EYA1: variants seen among roughly 807,000 people sequenced by gnomAD.
EYA1 encodes EYA transcriptional coactivator and phosphatase 1, also known as protein phosphatase EYA1.
A neutral mutation model predicts 82.0 loss-of-function variants in EYA1; 16 were observed. The observed-to-expected ratio is 0.20, with a 90% confidence interval of 0.13 to 0.30. The LOEUF (loss-of-function observed/expected upper bound fraction) is 0.30, where lower values mean the gene tolerates loss of function less well. EYA1 is among the 10% of genes least tolerant of loss of function. The pLI, the probability that EYA1 is intolerant of heterozygous loss-of-function variation, is 1.00. For missense variants in EYA1, 633 were observed against 730.7 expected, an observed-to-expected ratio of 0.87 and a Z score of 1.54; for synonymous variants, 261 against 264.4, an observed-to-expected ratio of 0.99 and a Z score of 0.12.
chr8:71,282,182 C>T (rs1817881355), intron 9 of EYA1, among the ~76,000 whole-genome samples: 1 of 152,200 alleles, frequency 6.6e-6, no homozygotes, highest in African/African-American at 2.4e-5. Context: ...CTAAGGCCAA[C>T]CCCTCCTTTT....
At chr8:71,280,752 CTTT>C (rs900292652) in intron 9 of EYA1, among the ~76,000 whole-genome samples, 1 of 151,056 alleles carries the variant, frequency 6.6e-6, no homozygotes, top group Non-Finnish European at 1.5e-5. Flanking sequence ...CTTTGTTTTG[CTTT>C]TTTTTTCTTT....
At chr8:71,256,538 G>A (rs1052527384) in intron 11 of EYA1, among the ~76,000 whole-genome samples, 1 of 152,110 alleles carries the variant, frequency 6.6e-6, no homozygotes, top group African/African-American at 2.4e-5. Context: ...CCAGGAATTG[G>A]GGGGAGGGGA....
chr8:71,395,401 C>A (rs533306939), intron 2 of EYA1, among the ~76,000 whole-genome samples: 33 of 152,188 alleles, frequency 2.2e-4, no homozygotes, highest in African/African-American at 7.7e-4. Context: ...CAGTTTTTGC[C>A]CATTCAGTAT....
chr8:71,493,117 G>GT (rs1189696121), intron 2 of EYA1, among the ~76,000 whole-genome samples: 1 of 152,142 alleles, frequency 6.6e-6, no homozygotes, highest in Non-Finnish European at 1.5e-5. Context: ...TGGCTGTATA[G>GT]TATTCCATGG....
intron 12 of EYA1, among the ~76,000 whole-genome samples, chr8:71,240,152 G>A (rs1176538999): frequency 6.6e-6 from 1 of 152,008 alleles, no homozygotes; most frequent in East Asian, 1.9e-4. Context: ...AAAAATCATT[G>A]CAGCTTTCTC....
At chr8:71,278,587 GT>G (rs1175584853) in intron 9 of EYA1, among the ~76,000 whole-genome samples, 1 of 152,160 alleles carries the variant, frequency 6.6e-6, no homozygotes, top group Non-Finnish European at 1.5e-5. Context: ...TCCTTTGCCA[GT>G]TTTTAAATAT....
At chr8:71,362,320 CG>C, upstream of EYA1, 1 of 533,488 alleles carries the variant, frequency 1.9e-6, no homozygotes, top group South Asian at 8.2e-5. Context: ...ACGCGCCCCA[CG>C]CTATCTGAAT....
intron 11 of EYA1, among the ~76,000 whole-genome samples, chr8:71,269,102 C>T (rs1246428081): frequency 1.3e-5 from 2 of 152,050 alleles, no homozygotes; most frequent in African/African-American, 4.8e-5. Context: ...AAAGAAATTC[C>T]AAACTTTTGG....
intron 11 of EYA1, among the ~76,000 whole-genome samples, chr8:71,256,100 A>T (rs931542232): frequency 6.6e-6 from 1 of 152,200 alleles, no homozygotes; most frequent in Admixed American, 6.5e-5. Context: ...ATCCCTGTGC[A>T]CAGCTGGTGG....
chr8:71,529,045 A>G (rs147304052), intron 2 of EYA1, among the ~76,000 whole-genome samples: 103 of 152,310 alleles, frequency 6.8e-4, no homozygotes, highest in African/African-American at 2.3e-3. Context: ...GGACCCAGCA[A>G]TATAGGTCTG....
intron 2 of EYA1, among the ~76,000 whole-genome samples, chr8:71,464,156 A>G (rs1808613827): frequency 6.6e-6 from 1 of 152,074 alleles, no homozygotes; most frequent in Non-Finnish European, 1.5e-5. Flanking sequence ...CTCCCCGAGG[A>G]CTGCATGCTT....
rs532468402 is a variant in EYA1, at chr8:71,512,982, G to A, written c.33+22762C>T. ...ACCATACACAAGGTGGAAAGATTAAGTTGATCTCATCATTCTCCGCAGTAG... is the reference window on the plus strand; with the variant it reads ...ACCATACACAAGGTGGAAAGATTAAATTGATCTCATCATTCTCCGCAGTAG... On this transcript the variant is annotated intron_variant, in intron 2 of 18. Coordinates refer to the EYA1 transcript ENST00000643681. 6.6e-5 allele frequency among the ~76,000 whole-genome samples: 10 copies of A among 152,264 alleles called. No homozygotes were observed. In the South Asian group the frequency reaches 2.1e-3, roughly 32 times the overall value.
chr8:71,233,563 CAAAAA>C (rs767423332), intron 12 of EYA1, among the ~76,000 whole-genome samples: 1 of 64,674 alleles, frequency 1.5e-5, no homozygotes, highest in Non-Finnish European at 3.3e-5. Context: ...GACTCCGTCT[CAAAAA>C]AAAAAAAAAA....
rs542955878 is a variant in EYA1, at chr8:71,481,541, G to A, written c.33+54203C>T. Among the ~76,000 whole-genome samples, 51 of 152,224 alleles carry A rather than the reference G, an allele frequency of 3.4e-4. 1 individual carries two copies. The South Asian group carries it at 0.01, about 31-fold the overall frequency. ...TTTCTGAGTGCCTACTGCACGCCGG[G>A]ACTATGCAAGATGCTGAATATGGGT... is the stretch of plus-strand genomic sequence containing the variant. On this transcript the variant is annotated intron_variant, in intron 2 of 18. Coordinates refer to the EYA1 transcript ENST00000643681.
At chr8:71,394,571 T>C (rs1192564259) in intron 2 of EYA1, among the ~76,000 whole-genome samples, 2 of 152,172 alleles carry the variant, frequency 1.3e-5, no homozygotes, top group Non-Finnish European at 2.9e-5. Context: ...TTTCTTGTTT[T>C]TGTCAGGGTT....
intron 7 of EYA1, among the ~76,000 whole-genome samples, chr8:71,309,793 C>T (rs575956981): frequency 1.6e-3 from 246 of 152,210 alleles, no homozygotes; most frequent in African/African-American, 5.5e-3. Context: ...GTGTGATGGC[C>T]GCAGAGCTGT....
At chr8:71,274,123 GAA>G (rs1035207453) in intron 9 of EYA1, among the ~76,000 whole-genome samples, 1 of 152,108 alleles carries the variant, frequency 6.6e-6, no homozygotes, top group African/African-American at 2.4e-5. Flanking sequence ...AGTAGAAAGT[GAA>G]AGTTTTAAAT....
intron 2 of EYA1, among the ~76,000 whole-genome samples, chr8:71,470,551 T>A (rs969769502): frequency 2.6e-5 from 4 of 152,108 alleles, no homozygotes; most frequent in Non-Finnish European, 4.4e-5. Context: ...TGCACCAACC[T>A]AATAGAAGGT....
At chr8:71,369,058 C>G (rs915791343) in intron 2 of EYA1, among the ~76,000 whole-genome samples, 1 of 141,870 alleles carries the variant, frequency 7.0e-6, no homozygotes, top group Non-Finnish European at 1.5e-5. Context: ...AAAAAAATAG[C>G]TGGACGTGGT....
Sources: gnomAD v4.1 joint callset for allele counts (sites outside exome capture counted in the v4.1 genomes callset) on GRCh38, gnomAD v4.1.1 for gene constraint, MANE v1.5 for transcripts, NCBI Gene and HGNC (gene_info 2026-07-23, HGNC 2026-07-21) for gene names.